Variants in GLG1 observed in about 807,000 individuals in gnomAD.
GLG1 encodes the protein Golgi apparatus protein 1.
In GLG1, 38 loss-of-function variants were observed where a neutral mutation model predicts 160.5. That is an observed-to-expected ratio of 0.24 (90% confidence interval 0.18 to 0.31). The LOEUF (loss-of-function observed/expected upper bound fraction) is 0.31. GLG1 is among the 10% of genes least tolerant of loss of function. The pLI is 1.00. For synonymous variants in GLG1, 644 were observed against 543.4 expected, an observed-to-expected ratio of 1.19 and a Z score of -2.57; for missense variants, 1,373 against 1,505.2, an observed-to-expected ratio of 0.91 and a Z score of 1.45.
rs546419085 is a variant in GLG1 at position 74,569,444 on chromosome 16, T to C, written c.438+37213A>G. On this transcript the variant is annotated intron_variant, in intron 1 of 25. Coordinates refer to ENST00000422840, the MANE Select transcript of GLG1 (RefSeq NM_001145667.2). Reference sequence around the variant, plus strand: ...TGAACTGAACAATGCCAGCTGCTTATCAACTGTCATTCACAAACCTGGAAC... The same window carrying C: ...TGAACTGAACAATGCCAGCTGCTTACCAACTGTCATTCACAAACCTGGAAC... Among the ~76,000 whole-genome samples, 122 of 152,324 alleles carry C rather than the reference T, an allele frequency of 8.0e-4. 2 individuals are homozygous for C. In the South Asian group the frequency reaches 0.012, roughly 15 times the overall value.
At chr16:74,582,121 G>T (rs1957951388) in intron 1 of GLG1, among the ~76,000 whole-genome samples, 1 of 152,038 alleles carries the variant, frequency 6.6e-6, no homozygotes, top group Non-Finnish European at 1.5e-5. Context: ...TAAGATTGGG[G>T]TGAAAAATAT....
intron 2 of GLG1, among the ~76,000 whole-genome samples, chr16:74,510,185 C>A (rs1388627952): frequency 6.6e-6 from 1 of 151,950 alleles, no homozygotes; most frequent in Non-Finnish European, 1.5e-5. Flanking sequence ...GCATGTGCCA[C>A]CATGCCTGGC....
At chr16:74,468,035 C>T (rs985950289) in intron 17 of GLG1, 187 bp from the exon 18 acceptor site, 1 of 530,160 alleles carries the variant, frequency 1.9e-6, no homozygotes, top group East Asian at 3.1e-5. Context: ...TGGCCTTGGA[C>T]CTTCTTTGCA....
chr16:74,571,156 T>C (rs2018815644), intron 1 of GLG1, among the ~76,000 whole-genome samples: 1 of 152,108 alleles, frequency 6.6e-6, no homozygotes, highest in Non-Finnish European at 1.5e-5. Context: ...AGCTAGATGA[T>C]GAGACATGGA....
intron 4 of GLG1, among the ~76,000 whole-genome samples, chr16:74,498,448 G>GTATATATATATATATATAATATATATA (rs2016282776): frequency 8.3e-5 from 2 of 24,038 alleles, no homozygotes; most frequent in African/African-American, 2.8e-4. Flanking sequence ...AAAAAAAAAA[G>GTATATATATATATATATAATATATATA]TATATATATA....
In GLG1 at chr16:74,491,296, A is replaced by G. The variant is rs1468350011; in HGVS notation, c.1235-81T>C. On this transcript the variant is annotated intron_variant, in intron 7 of 25. Coordinates refer to ENST00000422840, the MANE Select transcript of GLG1 (RefSeq NM_001145667.2). Reference sequence around the variant, plus strand: ...AGAAATCACCACCTATTAAAAGTACATATTTCTATCTGTAATACAATATAC... The same window carrying G: ...AGAAATCACCACCTATTAAAAGTACGTATTTCTATCTGTAATACAATATAC... 1.0e-5 allele frequency: 10 copies of G among 979,674 alleles called. No homozygotes were observed. The Admixed American group carries it at 1.1e-4, about 10-fold the overall frequency. 60.7% of individuals were successfully genotyped at this position (979,674 alleles called of 1,614,324 possible). A position where few individuals can be genotyped will look rare whatever the true frequency, so the allele number is the denominator to read the frequency against.
rs1435932332 is a variant in GLG1, at chr16:74,494,742, T to C, written c.1050+18A>G. ...AAAAAACAAATAAAACATTCATTAG[T>C]TTCAAAATAATACTTACCTTTTCAC... On this transcript the variant is annotated intron_variant, in intron 6 of 25. Transcript: ENST00000422840. 3.5e-6 allele frequency: 4 copies of C among 1,135,596 alleles called. No homozygotes were observed. Among genetic ancestry groups the C allele is most frequent in the Non-Finnish European group, 5.4e-6 (4 of 745,492 alleles). 70.3% of individuals were successfully genotyped at this position (1,135,596 alleles called of 1,614,324 possible).
chr16:74,486,182 C>G (rs930962273), intron 8 of GLG1, among the ~76,000 whole-genome samples: 2 of 152,218 alleles, frequency 1.3e-5, no homozygotes, highest in Non-Finnish European at 2.9e-5. Context: ...GTCTTTACAA[C>G]ATGAATATGA....
intron 4 of GLG1, among the ~76,000 whole-genome samples, chr16:74,502,478 A>C (rs1690703036): frequency 6.6e-6 from 1 of 152,170 alleles, no homozygotes; most frequent in African/African-American, 2.4e-5. Context: ...AACTAGAAGT[A>C]CCTTCACATA....
At chr16:74,545,846 C>G (rs1297666351) in intron 1 of GLG1, among the ~76,000 whole-genome samples, 1 of 152,176 alleles carries the variant, frequency 6.6e-6, no homozygotes, top group East Asian at 1.9e-4. Flanking sequence ...ATATAATTCT[C>G]TCATCACATC....
Position 74,457,723 on chromosome 16 carries a change from G to T in GLG1, c.3265+151C>A, listed in dbSNP as rs1024680360. 35 of 603,936 alleles carry T rather than the reference G, an allele frequency of 5.8e-5. No individual in the cohort carries two copies. The Middle Eastern group carries it at 1.5e-3, about 26-fold the overall frequency. 37.4% of individuals were successfully genotyped at this position (603,936 alleles called of 1,614,324 possible). A position where few individuals can be genotyped will look rare whatever the true frequency, so the allele number is the denominator to read the frequency against. ...ATGATGCCATAAAGGTCTAGTTTTG[G>T]CATCACCCAGGTCCCCAGGGAATGT... On this transcript the variant is annotated intron_variant, in intron 24 of 25. Coordinates refer to ENST00000422840, the MANE Select transcript of GLG1 (RefSeq NM_001145667.2).
At chr16:74,468,643 C>G (rs571102738) in intron 17 of GLG1, 10 of 300,096 alleles carry the variant, frequency 3.3e-5, no homozygotes, top group Admixed American at 1.2e-4. Context: ...CTGGGATTAC[C>G]TGCATGAGCC....
At chr16:74,574,732 A>C (rs1238057694) in intron 1 of GLG1, among the ~76,000 whole-genome samples, 1 of 151,156 alleles carries the variant, frequency 6.6e-6, no homozygotes, top group East Asian at 1.9e-4. Context: ...AAAACACAAA[A>C]AATTAGCTGA....
chr16:74,585,463 T>C (rs768353390), intron 1 of GLG1, among the ~76,000 whole-genome samples: 1 of 151,868 alleles, frequency 6.6e-6, no homozygotes, highest in Non-Finnish European at 1.5e-5. Context: ...TCCCAGCACT[T>C]TGGGAAGCTG....
rs1567457651 is a variant in GLG1 at position 74,462,600 on chromosome 16, GCTTTT to G, written c.2817_2821del (p.Arg939SerfsTer3). On this transcript the variant is annotated frameshift_variant, in exon 21 of 26. Transcript: ENST00000422840. LOFTEE classifies it high-confidence loss of function. Reference sequence around the variant, plus strand: ...GAATTTAGGAATGTCAGCTTTACAGGCTTTTCTTAACATGGGGTTTAAGCGGTAAT... The same window carrying G: ...GAATTTAGGAATGTCAGCTTTACAGGCTTAACATGGGGTTTAAGCGGTAAT... 6.2e-7 allele frequency: 1 copy of G among 1,613,968 alleles called. No individual in the cohort carries two copies. Among genetic ancestry groups the G allele is most frequent in the Non-Finnish European group, 8.5e-7 (1 of 1,179,834 alleles).
At chr16:74,504,498 G>C (rs1456821985) in intron 3 of GLG1, among the ~76,000 whole-genome samples, 2 of 152,082 alleles carry the variant, frequency 1.3e-5, no homozygotes, top group African/African-American at 2.4e-5. Flanking sequence ...ATGTTGGCCA[G>C]GCTGGTCTCG....
At chr16:74,492,421 G>A (rs1274351187) in intron 7 of GLG1, among the ~76,000 whole-genome samples, 1 of 151,414 alleles carries the variant, frequency 6.6e-6, no homozygotes, top group Non-Finnish European at 1.5e-5. Flanking sequence ...AGTGGCTCAC[G>A]CCTGTAATCC....
intron 2 of GLG1, among the ~76,000 whole-genome samples, chr16:74,514,039 G>C (rs1416882562): frequency 5.3e-5 from 8 of 152,136 alleles, no homozygotes; most frequent in African/African-American, 1.2e-4. Flanking sequence ...GAAATGATCA[G>C]TGATTGAAGA....
At chr16:74,488,763 G>A (rs897658819) in intron 8 of GLG1, among the ~76,000 whole-genome samples, 3 of 152,002 alleles carry the variant, frequency 2.0e-5, no homozygotes, top group Admixed American at 2.0e-4. Context: ...GGGACTACAG[G>A]TGCATGCCAC....
Sources: gnomAD v4.1 joint callset for allele counts (sites outside exome capture counted in the v4.1 genomes callset) on GRCh38, gnomAD v4.1.1 for gene constraint, MANE v1.5 for transcripts, NCBI Gene and HGNC (gene_info 2026-07-23, HGNC 2026-07-21) for gene names.